Variants in ABCD3 observed in about 807,000 individuals in gnomAD.
The protein encoded by ABCD3 is ATP-binding cassette sub-family D member 3.
ABCD3 carries 41 observed loss-of-function variants against 105.5 expected under a neutral mutation model. The observed-to-expected ratio is 0.39, with a 90% CI of 0.30 to 0.50. The LOEUF (loss-of-function observed/expected upper bound fraction) is 0.50. ABCD3 is among the 20% of genes least tolerant of loss of function. The pLI, the probability that ABCD3 is intolerant of heterozygous loss-of-function variation, is 0.84. For synonymous variants in ABCD3, 258 were observed against 269.0 expected (o/e 0.96, Z 0.40); for missense variants, 622 against 806.3 (o/e 0.77, Z 2.77).
At chr1:94,494,394 T>G (rs1029957550) in intron 16 of ABCD3, among the ~76,000 whole-genome samples, 5 of 152,202 alleles carry the variant, frequency 3.3e-5, no homozygotes, top group Admixed American at 3.3e-4. Context: ...TTCACTGTTA[T>G]GAATTCTAAT....
At chr1:94,486,002 A>T (rs1047976596) in intron 10 of ABCD3, among the ~76,000 whole-genome samples, 1 of 151,776 alleles carries the variant, frequency 6.6e-6, no homozygotes, top group Non-Finnish European at 1.5e-5. Flanking sequence ...GACCAGCCTG[A>T]CCAACATGGC....
At chr1:94,402,168 T>C in the ABCD3 span, among the ~76,000 whole-genome samples, 1 of 152,264 alleles carries the variant, frequency 6.6e-6, no homozygotes, top group African/African-American at 2.4e-5. Flanking sequence ...TGTCTGGATA[T>C]ACCACAACCT....
intron 21 of ABCD3, among the ~76,000 whole-genome samples, chr1:94,507,452 C>T (rs894641155): frequency 1.4e-4 from 21 of 152,194 alleles, no homozygotes; most frequent in Non-Finnish European, 2.2e-4. Context: ...AGTAAACATA[C>T]GTGTGCATGT....
intron 20 of ABCD3, among the ~76,000 whole-genome samples, chr1:94,501,622 G>C (rs1245798443): frequency 6.6e-6 from 1 of 152,192 alleles, no homozygotes; most frequent in Non-Finnish European, 1.5e-5. Context: ...ACTTAGAACA[G>C]TGAGTCAGCC....
chr1:94,479,947 G>T (rs563594500), intron 8 of ABCD3, among the ~76,000 whole-genome samples: 1 of 152,194 alleles, frequency 6.6e-6, no homozygotes, highest in South Asian at 2.1e-4. Flanking sequence ...AGCTCGTTCA[G>T]GGGGAGCTGA....
chr1:94,394,939 A>G, the ABCD3 span, among the ~76,000 whole-genome samples: 1 of 152,166 alleles, frequency 6.6e-6, no homozygotes, highest in Non-Finnish European at 1.5e-5. Context: ...GACTCTTTTA[A>G]AAATGCAGTA....
chr1:94,510,560 T>A (rs1317380128), intron 21 of ABCD3, among the ~76,000 whole-genome samples: 1 of 152,196 alleles, frequency 6.6e-6, no homozygotes, highest in Non-Finnish European at 1.5e-5. Flanking sequence ...ACTTTCTGTC[T>A]TGTTGATCTG....
chr1:94,401,110 G>A, the ABCD3 span, among the ~76,000 whole-genome samples: 1 of 152,152 alleles, frequency 6.6e-6, no homozygotes, highest in African/African-American at 2.4e-5. Context: ...CCAGCCTCCA[G>A]AATGTAAGAA....
intron 20 of ABCD3, among the ~76,000 whole-genome samples, chr1:94,500,299 A>G (rs1200477070): frequency 6.6e-6 from 1 of 152,126 alleles, no homozygotes; most frequent in Non-Finnish European, 1.5e-5. Context: ...TTTAAAAATT[A>G]TCTGGGCGTA....
At chr1:94,422,706 A>G (rs1659306575) in intron 1 of ABCD3, among the ~76,000 whole-genome samples, 1 of 152,214 alleles carries the variant, frequency 6.6e-6, no homozygotes, top group Non-Finnish European at 1.5e-5. Flanking sequence ...TTTTAAGCGT[A>G]ATTGACAGGC....
chr1:94,509,382 G>A (rs1346560033), intron 21 of ABCD3, among the ~76,000 whole-genome samples: 9 of 152,122 alleles, frequency 5.9e-5, no homozygotes, highest in Admixed American at 5.2e-4. Context: ...TGCTGGATTC[G>A]GTTTGCGAGT....
intron 1 of ABCD3, among the ~76,000 whole-genome samples, chr1:94,434,565 T>C (rs758233497): frequency 1.2e-4 from 18 of 152,164 alleles, no homozygotes; most frequent in Non-Finnish European, 2.2e-4. Context: ...CACTAGGTGA[T>C]AGGAATTTTT....
chr1:94,405,874 T>C, the ABCD3 span, among the ~76,000 whole-genome samples: 1 of 152,168 alleles, frequency 6.6e-6, no homozygotes, highest in South Asian at 2.1e-4. Context: ...TCTTCTAGTT[T>C]GTTGTTTGCC....
chr1:94,468,227 A>G (rs564032095), intron 4 of ABCD3, among the ~76,000 whole-genome samples: 14 of 152,210 alleles, frequency 9.2e-5, no homozygotes, highest in Non-Finnish European at 1.3e-4. Flanking sequence ...ACTAGGAGAA[A>G]CTGTACCAAG....
chr1:94,474,230 G>A (rs573223668), intron 5 of ABCD3, among the ~76,000 whole-genome samples: 3 of 148,200 alleles, frequency 2.0e-5, no homozygotes, highest in East Asian at 4.1e-4. Flanking sequence ...ATGGGCAGGG[G>A]GCAACTTGGG....
At chr1:94,422,231 G>A (rs1249533645) in intron 1 of ABCD3, among the ~76,000 whole-genome samples, 5 of 152,198 alleles carry the variant, frequency 3.3e-5, no homozygotes, top group Non-Finnish European at 5.9e-5. Flanking sequence ...GGCCTGTTAG[G>A]ACCCAGCTGC....
chr1:94,475,284 G>C (rs1412344307), intron 6 of ABCD3, 44 bp downstream of exon 6: 1 of 1,246,494 alleles, frequency 8.0e-7, no homozygotes, highest in Admixed American at 2.1e-5. Flanking sequence ...TTAAATAGAA[G>C]AGTATTTATG....
chr1:94,452,360 A>G (rs1372472010), intron 1 of ABCD3, among the ~76,000 whole-genome samples: 1 of 152,210 alleles, frequency 6.6e-6, no homozygotes, highest in Non-Finnish European at 1.5e-5. Context: ...TATTAGGTTG[A>G]AGCATGTGCA....
At chr1:94,461,125 C>T (rs1016652716) in intron 2 of ABCD3, among the ~76,000 whole-genome samples, 3 of 152,002 alleles carry the variant, frequency 2.0e-5, no homozygotes, top group South Asian at 2.1e-4. Context: ...GAAGTACACA[C>T]GTGTGCTAAA....
Sources: gnomAD v4.1 joint callset for allele counts (sites outside exome capture counted in the v4.1 genomes callset) on GRCh38, gnomAD v4.1.1 for gene constraint, MANE v1.5 for transcripts, NCBI Gene and HGNC (gene_info 2026-07-23, HGNC 2026-07-21) for gene names.